Variants in PXDN observed in about 807,000 individuals in gnomAD.
PXDN encodes peroxidasin homolog.
In PXDN, 77 loss-of-function variants were observed where a neutral mutation model predicts 140.3. That is an observed-to-expected ratio of 0.55 (90% CI 0.46 to 0.66). PXDN has a LOEUF of 0.66. PXDN is among the 30% of genes least tolerant of loss of function. PXDN has a pLI of 0.00. For missense variants in PXDN, 1,838 were observed against 2,039.5 expected (o/e 0.90, Z 1.90); for synonymous variants, 911 against 857.4 (o/e 1.06, Z -1.09).
intron 5 of PXDN, 131 bp from the exon 6 acceptor site, chr2:1,683,858 G>T: frequency 2.2e-6 from 2 of 897,950 alleles, no homozygotes; most frequent in East Asian, 2.7e-5. Flanking sequence ...TAATACAAAT[G>T]AATCTGAAAA....
Position 1,684,232 on chromosome 2 carries a change from G to A in PXDN, c.417-81C>T, listed in dbSNP as rs569827003. On this transcript the variant is annotated intron_variant, in intron 4 of 22. Transcript: ENST00000252804. ...GATTTTTGCCCAAATTTTTTTCCTA[G>A]TCATTTCAAATTCAGATATCAATAG... 109 of 1,209,808 alleles carry A rather than the reference G, an allele frequency of 9.0e-5. No individual in the cohort carries two copies. In the African/African-American group the frequency reaches 1.6e-3, roughly 18 times the overall value. The allele number at this position is 1,209,808 out of a possible 1,614,324, so 74.9% of individuals were successfully genotyped here.
In PXDN at chr2:1,678,470, A is replaced by G. The variant is rs1443224900; in HGVS notation, c.731-1426T>C. On this transcript the variant is annotated intron_variant, in intron 7 of 22. Transcript: ENST00000252804. The stretch of plus-strand genomic sequence containing the variant: ...AACAATGCCTCGATAAAGCTATTAT[A>G]AAAAACAAGAATAATCACTGACAGC... Among the ~76,000 whole-genome samples the G allele has an allele frequency of 2.6e-5, 4 of 152,224 alleles. No homozygotes were observed. In the East Asian group the frequency reaches 7.7e-4, roughly 29 times the overall value.
At chr2:1,673,907 C>A in intron 8 of PXDN, 95 bp from the exon 9 acceptor site, 1 of 1,387,922 alleles carries the variant, frequency 7.2e-7, no homozygotes, top group Non-Finnish European at 1.0e-6. Flanking sequence ...CTGCAGCAGG[C>A]ACAACTTGTG....
At chr2:1,744,692 C>G, upstream of PXDN, 1 of 320,192 alleles carries the variant, frequency 3.1e-6, no homozygotes, top group Non-Finnish European at 5.6e-6. Context: ...GCCCGCATGG[C>G]CAAGGCGAGC....
chr2:1,673,396 T>C (rs1558502063), intron 9 of PXDN, among the ~76,000 whole-genome samples: 1 of 152,048 alleles, frequency 6.6e-6, no homozygotes, highest in Non-Finnish European at 1.5e-5. Flanking sequence ...GCTCACAGCA[T>C]GGACTGCCCC....
At chr2:1,717,110 C>T (rs928626889) in intron 1 of PXDN, among the ~76,000 whole-genome samples, 3 of 152,134 alleles carry the variant, frequency 2.0e-5, no homozygotes, top group Admixed American at 6.5e-5. Context: ...ACACAGCCAT[C>T]GATCTTAAAA....
In PXDN at chr2:1,639,207, C is replaced by T. The variant is rs968380021; in HGVS notation, c.4073+95G>A. ...GGACGTCCCTGCCAGGAACCATCCT[C>T]GCCACAGGCCCACAGCAGGATGCCG... On this transcript the variant is annotated intron_variant, in intron 20 of 22. Transcript: ENST00000252804. The surrounding 1 kb of genome is among the most constrained non-coding windows in gnomAD (Gnocchi z 5.0). The T allele has an allele frequency of 7.8e-6, 12 of 1,529,420 alleles. No individual in the cohort carries two copies. The highest frequency in any genetic ancestry group is 2.2e-4 in the Middle Eastern group (1 of 4,498). The allele number at this position is 1,529,420 out of a possible 1,614,324, so 94.7% of individuals were successfully genotyped here.
chr2:1,738,235 G>C (rs1685462006), intron 1 of PXDN, among the ~76,000 whole-genome samples: 1 of 151,948 alleles, frequency 6.6e-6, no homozygotes. Context: ...AAAATAATTA[G>C]TAAACCTGGG....
intron 7 of PXDN, among the ~76,000 whole-genome samples, chr2:1,678,935 C>T (rs913745203): frequency 2.0e-4 from 30 of 152,252 alleles, no homozygotes; most frequent in Non-Finnish European, 2.5e-4. Context: ...ACCAGGCCGG[C>T]GCTCAGTTCT....
intron 17 of PXDN, among the ~76,000 whole-genome samples, chr2:1,646,482 C>T (rs1204594459): frequency 6.6e-6 from 1 of 152,140 alleles, no homozygotes. Flanking sequence ...TCAGCAAAAC[C>T]ATGATAAAAA....
chr2:1,661,532 T>C (rs867756647), intron 13 of PXDN, among the ~76,000 whole-genome samples: 7 of 140,356 alleles, frequency 5.0e-5, no homozygotes, highest in African/African-American at 1.8e-4. Context: ...CACAGGGCAG[T>C]GCAGGGATGC....
intron 3 of PXDN, among the ~76,000 whole-genome samples, chr2:1,690,648 C>CAAAAAAAAAAA (rs35970382): frequency 1.5e-5 from 1 of 68,624 alleles, no homozygotes. Flanking sequence ...TTCAAAATAC[C>CAAAAAAAAAAA]AAAAAAAAAA....
At chr2:1,677,149 C>A (rs1277909629) in intron 7 of PXDN, 105 bp from the exon 8 acceptor site, 1 of 1,025,204 alleles carries the variant, frequency 9.8e-7, no homozygotes, top group Non-Finnish European at 1.4e-6. Context: ...ACCACAGATG[C>A]CCAAAGGTGT....
At chr2:1,646,606 G>C (rs1056858097) in intron 17 of PXDN, among the ~76,000 whole-genome samples, 19 of 152,170 alleles carry the variant, frequency 1.2e-4, no homozygotes, top group South Asian at 6.2e-4. Flanking sequence ...TGTTCATTTA[G>C]TCATAACTTA....
At chr2:1,635,074 A>C (rs895739918) in intron 22 of PXDN, among the ~76,000 whole-genome samples, 1 of 150,346 alleles carries the variant, frequency 6.7e-6, no homozygotes, top group Non-Finnish European at 1.5e-5. Flanking sequence ...TACCCCATTC[A>C]TGGGTTTCCA....
intron 1 of PXDN, among the ~76,000 whole-genome samples, chr2:1,707,785 C>G (rs556533072): frequency 3.3e-5 from 5 of 152,292 alleles, no homozygotes; most frequent in African/African-American, 1.2e-4. Context: ...GTGCCGAAAG[C>G]GACGATCTGC....
At position 1,663,745 on chromosome 2, in the gene PXDN, T is replaced by C. The variant is rs746199819; in HGVS notation, c.1427A>G (p.Asp476Gly). 1 of 1,613,058 alleles carries C rather than the reference T, an allele frequency of 6.2e-7. No individual in the cohort carries two copies. Among genetic ancestry groups the C allele is most frequent in the Non-Finnish European group, 8.5e-7 (1 of 1,179,850 alleles). ...WTKGGSQLSVDRRHLVLSSGT... is the reference protein window; with the variant it reads ...WTKGGSQLSVGRRHLVLSSGT... ...CGATGACAGGACCAGGTGCCGCCGG[T>C]CCACGGAGAGCTGGCTCCCTGCAAG... is the stretch of plus-strand genomic sequence containing the variant. Residue 476 changes from aspartate to glycine, a missense_variant, in exon 12 of 23, where the codon GAC (aspartate) becomes GGC (glycine). Transcript: ENST00000252804.
chr2:1,680,103 G>C (rs569762997), intron 7 of PXDN, 90 bp downstream of exon 7: 29 of 1,399,846 alleles, frequency 2.1e-5, no homozygotes, highest in Non-Finnish European at 2.7e-5. Flanking sequence ...GTGGTGTGTG[G>C]ATGTTGTGTG....
At chr2:1,673,554 C>T in intron 9 of PXDN, 89 bp downstream of exon 9, 1 of 1,480,518 alleles carries the variant, frequency 6.8e-7, no homozygotes, top group East Asian at 2.3e-5. Flanking sequence ...AATGTTCATT[C>T]TTATTTTGGG....
Sources: gnomAD v4.1 joint callset for allele counts (sites outside exome capture counted in the v4.1 genomes callset) on GRCh38, gnomAD v4.1.1 for gene constraint, Gnocchi (gnomAD v3.1) non-coding constraint, MANE v1.5 for transcripts, NCBI Gene and HGNC (gene_info 2026-07-23, HGNC 2026-07-21) for gene names.